PLD4: variants seen among roughly 807,000 people sequenced by gnomAD.
PLD4 encodes the protein 5'-3' exonuclease PLD4.
PLD4 carries 54 observed loss-of-function variants against 52.3 expected under a neutral mutation model. That is an observed-to-expected ratio of 1.03 (90% CI 0.83 to 1.30). PLD4 has a LOEUF of 1.30. PLD4 is among the 50% of genes most tolerant of loss of function. The pLI is 0.00. For synonymous variants in PLD4, 264 were observed against 286.5 expected, an observed-to-expected ratio of 0.92 and a Z score of 0.79; for missense variants, 731 against 671.1, an observed-to-expected ratio of 1.09 and a Z score of -0.99.
At chr14:104,929,264 G>C (rs769253901) in intron 4 of PLD4, 43 bp from the exon 5 acceptor site, 1 of 1,577,364 alleles carries the variant, frequency 6.3e-7, no homozygotes, top group Non-Finnish European at 8.6e-7. Flanking sequence ...GCGGAGGAGA[G>C]GGCAGCCTGA....
Position 104,928,998 on chromosome 14 carries a change from A to T in PLD4, c.468+66A>T, listed in dbSNP as rs964316914. On this transcript the variant is annotated intron_variant, in intron 4 of 10. Transcript: ENST00000392593. ...ACACAGCAAGTCAGGCTGCCTATCT[A>T]TGCAGGCGTCTCGGGCACCAGGCCC... 4.6e-6 allele frequency: 7 copies of T among 1,525,084 alleles called. No homozygotes were observed. In the African/African-American group the frequency reaches 8.2e-5, roughly 18 times the overall value. 94.5% of individuals were successfully genotyped at this position (1,525,084 alleles called of 1,614,324 possible).
chr14:104,929,073 CT>C (rs1158729803), intron 4 of PLD4, 141 bp downstream of exon 4: 1 of 1,264,766 alleles, frequency 7.9e-7, no homozygotes, highest in Non-Finnish European at 1.1e-6. Flanking sequence ...GATTAGGCCG[CT>C]CCTTTGGGGG....
chr14:104,927,734 T>A lies in PLD4; in HGVS notation c.152T>A (p.Leu51Gln). 6.3e-7 allele frequency: 1 copy of A among 1,598,424 alleles called. No homozygotes were observed. The highest frequency in any genetic ancestry group is 8.5e-7 in the Non-Finnish European group (1 of 1,176,226). The change falls in exon 3 of 11, where the codon CTG becomes CAG. Residue 51 changes from leucine to glutamine, a missense_variant. Transcript: ENST00000392593. Reference protein sequence around the residue: ...WLGSVALICLLWQVPRPPTWG... With the variant: ...WLGSVALICLQWQVPRPPTWG... ...GGCTCCGTGGCTCTTATCTGCCTCC[T>A]GTGGCAAGTGCCCCGTCCTCCCACC...
chr14:104,929,151 C>T (rs1196552820), intron 4 of PLD4, 156 bp from the exon 5 acceptor site: 2 of 1,274,000 alleles, frequency 1.6e-6, no homozygotes, highest in Non-Finnish European at 2.1e-6. Flanking sequence ...GTGCCTGGTG[C>T]AGTTTGGCTC....
At chr14:104,930,404 G>A (rs987706579) in intron 6 of PLD4, among the ~76,000 whole-genome samples, 6 of 152,214 alleles carry the variant, frequency 3.9e-5, no homozygotes, top group Non-Finnish European at 7.3e-5. Flanking sequence ...CATGAAAAAC[G>A]TGTCAGAATG....
intron 4 of PLD4, 31 bp downstream of exon 4, chr14:104,928,963 G>C: frequency 6.4e-7 from 1 of 1,566,962 alleles, no homozygotes; most frequent in Non-Finnish European, 8.7e-7. Flanking sequence ...ACCGCATCCT[G>C]GTGCTGGAAA....
chr14:104,932,184 G>T lies in PLD4; in HGVS notation c.1224+7G>T. Reference sequence around the variant, plus strand: ...CAACGTCTCTGTGGACGTGGTGAGGGCGTGCTCCCGGCCGGGCGTGGGAAA... The same window carrying T: ...CAACGTCTCTGTGGACGTGGTGAGGTCGTGCTCCCGGCCGGGCGTGGGAAA... On this transcript the variant is annotated splice_region_variant and intron_variant, in intron 9 of 10. Coordinates refer to ENST00000392593, the MANE Select transcript of PLD4 (RefSeq NM_138790.5). This position sits in a 1 kb window ranked among gnomAD's most constrained non-coding sequence, Gnocchi z 6.5. 6.2e-7 allele frequency: 1 copy of T among 1,611,786 alleles called. No homozygotes were observed. Among genetic ancestry groups the T allele is most frequent in the Non-Finnish European group, 8.5e-7 (1 of 1,179,406 alleles).
In PLD4 at chr14:104,932,729, G is replaced by T; in HGVS notation, c.1322-36G>T. On this transcript the variant is annotated intron_variant, in intron 10 of 10. Transcript: ENST00000392593. This position sits in a 1 kb window ranked among gnomAD's most constrained non-coding sequence, Gnocchi z 6.5. Reference sequence around the variant, plus strand: ...GCGGGCTGCAGAGGGGCCTGTGGGAGCCGGCGCCCCAGTGTCTCCTCCATC... The same window carrying T: ...GCGGGCTGCAGAGGGGCCTGTGGGATCCGGCGCCCCAGTGTCTCCTCCATC... 1 of 1,485,110 alleles carries T rather than the reference G, an allele frequency of 6.7e-7. No individual in the cohort carries two copies. The highest frequency in any genetic ancestry group is 9.0e-7 in the Non-Finnish European group (1 of 1,110,842). The allele number at this position is 1,485,110 out of a possible 1,614,324, so 92.0% of individuals were successfully genotyped here.
At chr14:104,931,559 C>T (rs1489311391) in intron 7 of PLD4, among the ~76,000 whole-genome samples, 189 bp from the exon 8 acceptor site, 2 of 152,174 alleles carry the variant, frequency 1.3e-5, no homozygotes, top group African/African-American at 2.4e-5. Context: ...CTTCCCCACT[C>T]TCTCCGCCAG....
intron 7 of PLD4, among the ~76,000 whole-genome samples, 183 bp from the exon 8 acceptor site, chr14:104,931,565 G>A (rs1045217121): frequency 2.6e-5 from 4 of 152,112 alleles, no homozygotes; most frequent in African/African-American, 7.2e-5. Flanking sequence ...CACTCTCTCC[G>A]CCAGGCCTCA....
Position 104,930,206 on chromosome 14 carries a change from G to T in PLD4, c.717+101G>T, listed in dbSNP as rs148957241. On this transcript the variant is annotated intron_variant, in intron 6 of 10. Transcript: ENST00000392593. ...CATCTCAGTGCATCTGGAGAAAGTC[G>T]TGTAGTCCTGTTTACAATTCACTAT... The T allele has an allele frequency of 1.2e-3, 1,808 of 1,472,744 alleles. 20 individuals carry two copies. The African/African-American group carries it at 0.022, about 18-fold the overall frequency. 91.2% of individuals were successfully genotyped at this position (1,472,744 alleles called of 1,614,324 possible). A position where few individuals can be genotyped will look rare whatever the true frequency, so the allele number is the denominator to read the frequency against.
intron 6 of PLD4, among the ~76,000 whole-genome samples, chr14:104,930,424 A>G (rs1322367668): frequency 3.3e-5 from 5 of 152,234 alleles, no homozygotes; most frequent in Admixed American, 6.5e-5. Context: ...GGTCATGGCA[A>G]AGGCAACCAT....
At position 104,931,820 on chromosome 14, in the gene PLD4, G is replaced by A. The variant is rs372484745; in HGVS notation, c.991G>A (p.Ala331Thr). ...LEALLAVMGSAQEFIYASVME... is the reference protein window; with the variant it reads ...LEALLAVMGSTQEFIYASVME... ...GGCGCTGCTGGCGGTGATGGGGAGC[G>A]CCCAGGAGTTCATCTATGCCTCCGT... The change falls in exon 8 of 11, where the codon GCC becomes ACC. Residue 331 changes from alanine to threonine, a missense_variant. Coordinates refer to ENST00000392593, the MANE Select transcript of PLD4 (RefSeq NM_138790.5). The A allele has an allele frequency of 9.5e-6, 15 of 1,573,970 alleles. No homozygotes were observed. In the African/African-American group the frequency reaches 1.9e-4, roughly 20 times the overall value.
Position 104,932,266 on chromosome 14 carries a change from T to C in PLD4, c.1232T>C (p.Phe411Ser). Residue 411 changes from phenylalanine (F) to serine (S), a missense_variant, in exon 10 of 11, where the codon TTC becomes TCC. Phe to Ser is a radical substitution (Grantham distance 155, BLOSUM62 -2). Transcript: ENST00000392593. This position sits in a 1 kb window ranked among gnomAD's most constrained non-coding sequence, Gnocchi z 6.5. ...AANVSVDVKV[F>S]IVPVGNHSNI... ...TGCCTCTGCTCCCCTAAGAAAGTCTTCATCGTGCCGGTGGGGAACCATTCC... is the reference window on the plus strand; with the variant it reads ...TGCCTCTGCTCCCCTAAGAAAGTCTCCATCGTGCCGGTGGGGAACCATTCC... The C allele has an allele frequency of 6.2e-6, 10 of 1,612,656 alleles. No individual in the cohort carries two copies. Among genetic ancestry groups the C allele is most frequent in the Non-Finnish European group, 8.5e-7 (1 of 1,179,816 alleles).
rs1377198635 is a variant in PLD4 at position 104,927,825 on chromosome 14, G to T, written c.243G>T (p.Glu81Asp). 1 of 1,588,940 alleles carries T rather than the reference G, an allele frequency of 6.3e-7. No homozygotes were observed. The highest frequency in any genetic ancestry group is 1.1e-5 in the South Asian group (1 of 89,320). The change falls in exon 3 of 11, where the codon GAG becomes GAT. Residue 81 changes from glutamate (E) to aspartate (D), a missense_variant. Physicochemically the swap from Glu to Asp is conservative, Grantham distance 45. Transcript: ENST00000392593. ...AGCATGGCTCCAGCCCAGCTTGGGAGCCCCTGGAAGCAGAGGCCAGGCAGC... is the reference window on the plus strand; with the variant it reads ...AGCATGGCTCCAGCCCAGCTTGGGATCCCCTGGAAGCAGAGGCCAGGCAGC... ...SWEHGSSPAW[E>D]PLEAEARQQR...
chr14:104,926,442 G>C (rs1897458885), intron 1 of PLD4, among the ~76,000 whole-genome samples: 1 of 152,188 alleles, frequency 6.6e-6, no homozygotes, highest in Admixed American at 6.5e-5. Flanking sequence ...CCAGCTCCTT[G>C]TGGGGTGACC....
rs986838730 is a variant in PLD4 at position 104,932,796 on chromosome 14, C to T, written c.1353C>T (p.Ser451=). 6.3e-7 allele frequency: 1 copy of T among 1,596,808 alleles called. No individual in the cohort carries two copies. The highest frequency in any genetic ancestry group is 1.7e-5 in the Admixed American group (1 of 58,732). Residue 451 remains serine, a synonymous_variant, in exon 11 of 11, where the codon AGC becomes AGT. Coordinates refer to ENST00000392593, the MANE Select transcript of PLD4 (RefSeq NM_138790.5). This position sits in a 1 kb window ranked among gnomAD's most constrained non-coding sequence, Gnocchi z 6.5. ...CCAACTGGTCGGAGGATTACTTCAG[C>T]AGCACGGCGGGGGTGGGCTTGGTGG... ...GTSNWSEDYF[S]STAGVGLVVT... is the part of the protein sequence containing the mutation.
rs780410755 is a variant in PLD4, at chr14:104,927,777, C to G, written c.195C>G (p.Pro65=). The G allele has an allele frequency of 1.3e-6, 2 of 1,599,292 alleles. No homozygotes were observed. Among genetic ancestry groups the G allele is most frequent in the South Asian group, 2.2e-5 (2 of 89,568 alleles). ...PRPPTWGQVQ[P]KDVPRSWEHG... is the part of the protein sequence containing the mutation. ...CTCCCACCTGGGGCCAGGTGCAGCC[C>G]AAGGACGTGCCCAGGTCCTGGGAGC... Residue 65 remains proline, a synonymous_variant, in exon 3 of 11, where the codon CCC becomes CCG. Coordinates refer to ENST00000392593, the MANE Select transcript of PLD4 (RefSeq NM_138790.5).
chr14:104,932,511 G>A lies in PLD4; in HGVS notation c.1321+156G>A, dbSNP rs1436481320. The stretch of plus-strand genomic sequence containing the variant: ...TGGAGTTCCGGGGACCAGGCCACCC[G>A]CCTGTCACCTGGCCCCACAGGGCCC... On this transcript the variant is annotated intron_variant, in intron 10 of 10. Transcript: ENST00000392593. The surrounding 1 kb of genome is among the most constrained non-coding windows in gnomAD (Gnocchi z 6.5). Among the ~76,000 whole-genome samples, 1 of 152,222 alleles carries A rather than the reference G, an allele frequency of 6.6e-6. No homozygotes were observed. The highest frequency in any genetic ancestry group is 1.9e-4 in the East Asian group (1 of 5,194).
Sources: allele counts gnomAD v4.1 joint callset (sites outside exome capture counted in the v4.1 genomes callset), GRCh38; gene constraint gnomAD v4.1.1; non-coding constraint Gnocchi (gnomAD v3.1); transcripts MANE v1.5; gene names NCBI Gene and HGNC (gene_info 2026-07-23, HGNC 2026-07-21).